The following WDR49 variants were observed in gnomAD, a reference collection of about 807,000 sequenced individuals.
WDR49 encodes cilia- and flagella-associated protein 337.
Under a neutral mutation model 119.5 loss-of-function variants are expected in WDR49, and 107 were observed. The observed-to-expected ratio is 0.90, with a 90% CI of 0.77 to 1.05. WDR49 has a LOEUF of 1.05. Among genes scored for constraint, WDR49 ranks in the 50% least tolerant of loss-of-function variants. The pLI, the probability that WDR49 is intolerant of heterozygous loss-of-function variation, is 0.00. For synonymous variants in WDR49, 425 were observed against 418.8 expected, an observed-to-expected ratio of 1.01 and a Z score of -0.18; for missense variants, 1,240 against 1,220.5, an observed-to-expected ratio of 1.02 and a Z score of -0.24.
intron 16 of WDR49, among the ~76,000 whole-genome samples, chr3:167,506,023 A>C (rs1415078342): frequency 6.6e-6 from 1 of 152,216 alleles, no homozygotes; most frequent in Non-Finnish European, 1.5e-5. Flanking sequence ...TCACTGTCAT[A>C]GACTTCAACC....
chr3:167,535,909 G>T (rs1753004276), intron 11 of WDR49, among the ~76,000 whole-genome samples: 1 of 152,098 alleles, frequency 6.6e-6, no homozygotes, highest in African/African-American at 2.4e-5. Flanking sequence ...GCCATAAAAA[G>T]AATAAAAGCT....
chr3:167,620,430 T>C lies in WDR49; in HGVS notation c.957A>G (p.Gln319=). Residue 319 remains glutamine, a splice_region_variant and synonymous_variant, in exon 5 of 19, where the codon CAA becomes CAG. Transcript: ENST00000682715. ...TTCATTACTGTTCAAATTCAATACC[T>C]TGCCTGACCCAATCTCCTTGATGAA... ...HKLHQGDWVR[Q]VTYNASLDAI... 1 of 1,534,746 alleles carries C rather than the reference T, an allele frequency of 6.5e-7. No individual in the cohort carries two copies. Among genetic ancestry groups the C allele is most frequent in the Non-Finnish European group, 8.7e-7 (1 of 1,145,948 alleles).
chr3:167,629,121 G>T (rs1193796001), intron 2 of WDR49, among the ~76,000 whole-genome samples: 1 of 152,044 alleles, frequency 6.6e-6, no homozygotes, highest in Non-Finnish European at 1.5e-5. Context: ...GTTGGGCATC[G>T]TGAGCCTGTA....
At chr3:167,486,319 C>T (rs904150038) in intron 18 of WDR49, among the ~76,000 whole-genome samples, 3 of 152,112 alleles carry the variant, frequency 2.0e-5, no homozygotes, top group African/African-American at 7.2e-5. Flanking sequence ...GCATAGCCCA[C>T]AGTTCACTAT....
At position 167,560,076 on chromosome 3, in the gene WDR49, A is replaced by T. The variant is rs766250278; in HGVS notation, c.1662T>A (p.Asp554Glu). 1 of 1,614,122 alleles carries T rather than the reference A, an allele frequency of 6.2e-7. No individual in the cohort carries two copies. The stretch of plus-strand genomic sequence containing the variant: ...ATTGTGTTCGCACCTTTACAGTCCC[A>T]TCTGTGCTGCCAGTCAAAAGCCGAG... ...NETRLLTGST[D>E]GTVKIWDFNG... Residue 554 changes from aspartate (D) to glutamate (E), a missense_variant, in exon 9 of 19, where the codon GAT becomes GAA. Transcript: ENST00000682715.
At chr3:167,533,498 G>A (rs2108244624) in intron 11 of WDR49, among the ~76,000 whole-genome samples, 1 of 152,158 alleles carries the variant, frequency 6.6e-6, no homozygotes, top group South Asian at 2.1e-4. Flanking sequence ...AGTAAATCAA[G>A]TCCTCCTATG....
chr3:167,498,914 G>A (rs757064268), intron 18 of WDR49, among the ~76,000 whole-genome samples: 11 of 152,052 alleles, frequency 7.2e-5, no homozygotes, highest in Admixed American at 2.6e-4. Context: ...GACTGGTTCC[G>A]AGGCCTTTCA....
chr3:167,500,538 T>A (rs1029283380), intron 17 of WDR49, among the ~76,000 whole-genome samples: 1 of 152,218 alleles, frequency 6.6e-6, no homozygotes, highest in Admixed American at 6.5e-5. Flanking sequence ...CATTTTTTTT[T>A]ATTTTGTATT....
intron 5 of WDR49, among the ~76,000 whole-genome samples, chr3:167,619,792 C>T (rs1716779976): frequency 6.6e-6 from 1 of 152,054 alleles, no homozygotes; most frequent in Non-Finnish European, 1.5e-5. Flanking sequence ...GCAGATATTG[C>T]ACATCTGAAT....
chr3:167,605,203 G>C (rs768839935), intron 5 of WDR49, among the ~76,000 whole-genome samples: 3 of 152,020 alleles, frequency 2.0e-5, no homozygotes, highest in Non-Finnish European at 4.4e-5. Context: ...ATAGCTCAAT[G>C]CATTCCTTTT....
At chr3:167,537,523 T>C (rs1200569433) in intron 10 of WDR49, among the ~76,000 whole-genome samples, 1 of 152,166 alleles carries the variant, frequency 6.6e-6, no homozygotes, top group African/African-American at 2.4e-5. Flanking sequence ...CTTGAAGAAC[T>C]ACAATTTGTG....
chr3:167,536,758 T>G (rs1753049678), intron 11 of WDR49, 112 bp downstream of exon 11: 1 of 380,544 alleles, frequency 2.6e-6, no homozygotes, highest in African/African-American at 2.6e-5. Flanking sequence ...TACATATACA[T>G]ATATATATAT....
At chr3:167,649,332 G>A (rs934778517) in intron 2 of WDR49, among the ~76,000 whole-genome samples, 1 of 151,936 alleles carries the variant, frequency 6.6e-6, no homozygotes, top group Non-Finnish European at 1.5e-5. Flanking sequence ...GTAAGAAAAG[G>A]CCCAATCTGA....
intron 18 of WDR49, among the ~76,000 whole-genome samples, chr3:167,498,408 C>T (rs918390785): frequency 6.6e-6 from 1 of 151,896 alleles, no homozygotes; most frequent in Non-Finnish European, 1.5e-5. Context: ...GCTTAAATAC[C>T]CTATTCACAG....
chr3:167,520,941 T>C (rs1553862332), intron 16 of WDR49, among the ~76,000 whole-genome samples: 1 of 152,104 alleles, frequency 6.6e-6, no homozygotes, highest in Non-Finnish European at 1.5e-5. Context: ...AAAGCTTTTC[T>C]CTTTTTCATT....
rs147977035 is a variant in WDR49 at position 167,617,470 on chromosome 3, G to C, written c.958+2959C>G. ...GAACCTGGGAGGTAGATGTTGCAGT[G>C]AGCCAAGATCGCACCACTGCACTCC... is the stretch of plus-strand genomic sequence containing the variant. On this transcript the variant is annotated intron_variant, in intron 5 of 18. Coordinates refer to ENST00000682715, the MANE Select transcript of WDR49 (RefSeq NM_001366157.1). Among the ~76,000 whole-genome samples, 13 of 152,300 alleles carry C rather than the reference G, an allele frequency of 8.5e-5. No individual in the cohort carries two copies. In the East Asian group the frequency reaches 2.5e-3, roughly 29 times the overall value.
At position 167,602,238 on chromosome 3, in the gene WDR49, A is replaced by G; in HGVS notation, c.1164T>C (p.Asn388=). The G allele has an allele frequency of 2.5e-6, 4 of 1,594,170 alleles. No homozygotes were observed. Among genetic ancestry groups the G allele is most frequent in the Non-Finnish European group, 3.4e-6 (4 of 1,165,424 alleles). The stretch of plus-strand genomic sequence containing the variant: ...CCACTGGTTTAGAGACAACATAGGG[A>G]TTCCAAAGGCAAACTTTATTGTTAA... ...AGINNKVCLW[N]PYVVSKPVGV... is the part of the protein sequence containing the mutation. The change falls in exon 7 of 19, where the codon AAT becomes AAC. Residue 388 remains asparagine (N), a synonymous_variant. Coordinates refer to ENST00000682715, the MANE Select transcript of WDR49 (RefSeq NM_001366157.1).
intron 5 of WDR49, among the ~76,000 whole-genome samples, chr3:167,605,802 G>C (rs759017665): frequency 2.0e-5 from 3 of 152,154 alleles, no homozygotes; most frequent in Admixed American, 6.6e-5. Context: ...TAAAGAAATA[G>C]GGATTCATCC....
At chr3:167,545,075 GGCCAAC>G (rs1040665249) in intron 10 of WDR49, among the ~76,000 whole-genome samples, 4 of 151,512 alleles carry the variant, frequency 2.6e-5, no homozygotes, top group African/African-American at 9.7e-5. Context: ...ATATACAAAT[GGCCAAC>G]AAACATATGA....
Sources: gnomAD v4.1 joint callset for allele counts (sites outside exome capture counted in the v4.1 genomes callset) on GRCh38, gnomAD v4.1.1 for gene constraint, MANE v1.5 for transcripts, NCBI Gene and HGNC (gene_info 2026-07-23, HGNC 2026-07-21) for gene names.